The following BCAS3 variants were observed in gnomAD, a reference collection of about 807,000 sequenced individuals.
BCAS3 encodes the protein BCAS3 microtubule associated cell migration factor.
In BCAS3, 53 loss-of-function variants were observed where a neutral mutation model predicts 116.1. The observed-to-expected ratio is 0.46, with a 90% confidence interval of 0.37 to 0.57. BCAS3 has a LOEUF of 0.57. BCAS3 is among the 20% of genes least tolerant of loss of function. The probability of loss-of-function intolerance (pLI) is 0.00; values close to 1 mark genes in which losing one functional copy is unlikely to be tolerated. For missense variants in BCAS3, 917 were observed against 1,165.4 expected (o/e 0.79, Z 3.10); for synonymous variants, 391 against 408.2 (o/e 0.96, Z 0.51).
intron 6 of BCAS3, among the ~76,000 whole-genome samples, chr17:60,763,634 C>A (rs1266644967): frequency 6.6e-6 from 1 of 152,170 alleles, no homozygotes; most frequent in Non-Finnish European, 1.5e-5. Context: ...CGATGTTCAT[C>A]AGGGATATTG....
At position 61,368,476 on chromosome 17, in the gene BCAS3, G is replaced by A. The variant is rs757785563; in HGVS notation, c.2575G>A (p.Val859Ile). 6.8e-6 allele frequency: 11 copies of A among 1,607,662 alleles called. No homozygotes were observed. The highest frequency in any genetic ancestry group is 3.3e-5 in the Admixed American group (2 of 59,878). Residue 859 changes from valine to isoleucine, a missense_variant, in exon 23 of 24, where the codon GTC becomes ATC. Coordinates refer to ENST00000407086, the MANE Select transcript of BCAS3 (RefSeq NM_017679.5). The surrounding 1 kb of genome is among the most constrained non-coding windows in gnomAD (Gnocchi z 6.0). ...DAMAESPSRD[V>I]VGSGTELQRE... ...CATGGCCGAGTCACCTAGCCGGGAC[G>A]TCGTGGGATCCGGAACAGGTAAAGG...
At chr17:60,787,271 G>C (rs1218571185) in intron 6 of BCAS3, among the ~76,000 whole-genome samples, 1 of 152,138 alleles carries the variant, frequency 6.6e-6, no homozygotes, top group Non-Finnish European at 1.5e-5. Flanking sequence ...GTCACCTCAG[G>C]AAGTTCTCAC....
chr17:60,746,287 G>A (rs377674246), intron 5 of BCAS3, among the ~76,000 whole-genome samples: 12 of 151,940 alleles, frequency 7.9e-5, no homozygotes, highest in East Asian at 3.8e-4. Flanking sequence ...AGATAAACTC[G>A]TAGTTCTGTC....
intron 4 of BCAS3, among the ~76,000 whole-genome samples, chr17:60,690,285 T>TGAGGC (rs2034634937): frequency 6.6e-6 from 1 of 152,132 alleles, no homozygotes; most frequent in African/African-American, 2.4e-5. Context: ...AAAGGCTGAA[T>TGAGGC]GAGGCAGGGC....
At chr17:60,868,728 C>CCCAGGAGAGCATGT in intron 8 of BCAS3, 45 bp downstream of exon 8, 3 of 1,213,730 alleles carry the variant, frequency 2.5e-6, no homozygotes, top group Non-Finnish European at 3.5e-6. Flanking sequence ...AAGAAACATG[C>CCCAGGAGAGCATGT]TCTCCTGGGC....
rs2061456844 is a variant in BCAS3 at position 60,962,421 on chromosome 17, C to T, written c.1221+15069C>T. Reference sequence around the variant, plus strand: ...CTTGTTGTGGTTTTGATTTGTGTTTCTCTGATGACTAGTGATGTTGAGCAT... The same window carrying T: ...CTTGTTGTGGTTTTGATTTGTGTTTTTCTGATGACTAGTGATGTTGAGCAT... On this transcript the variant is annotated intron_variant, in intron 14 of 23. Coordinates refer to ENST00000407086, the MANE Select transcript of BCAS3 (RefSeq NM_017679.5). This position sits in a 1 kb window ranked among gnomAD's most constrained non-coding sequence, Gnocchi z 4.4. Among the ~76,000 whole-genome samples, 1 of 152,136 alleles carries T rather than the reference C, an allele frequency of 6.6e-6. No individual in the cohort carries two copies. The highest frequency in any genetic ancestry group is 1.5e-5 in the Non-Finnish European group (1 of 68,028).
intron 7 of BCAS3, among the ~76,000 whole-genome samples, chr17:60,860,717 G>A (rs2054083165): frequency 6.6e-6 from 1 of 152,160 alleles, no homozygotes; most frequent in Admixed American, 6.5e-5. Context: ...TGGTTTGCCA[G>A]TAGTCCCACC....
At chr17:60,916,607 T>C (rs750572770) in intron 12 of BCAS3, among the ~76,000 whole-genome samples, 6 of 152,164 alleles carry the variant, frequency 3.9e-5, no homozygotes, top group Non-Finnish European at 5.9e-5. Flanking sequence ...TATTTGATGA[T>C]TGCGTTAGAA....
chr17:60,809,372 A>T (rs1057388647), intron 7 of BCAS3, among the ~76,000 whole-genome samples: 6 of 152,202 alleles, frequency 3.9e-5, no homozygotes, highest in African/African-American at 1.2e-4. Context: ...AACCAAAAGC[A>T]TATAATAATC....
At chr17:61,296,569 T>C (rs528570625) in intron 22 of BCAS3, among the ~76,000 whole-genome samples, 1 of 152,344 alleles carries the variant, frequency 6.6e-6, no homozygotes, top group Non-Finnish European at 1.5e-5. Context: ...TTCTTTCCTG[T>C]CCCTCTTGCA....
chr17:60,691,241 C>CT (rs893706603), intron 4 of BCAS3, among the ~76,000 whole-genome samples: 1 of 152,066 alleles, frequency 6.6e-6, no homozygotes, highest in Non-Finnish European at 1.5e-5. Context: ...CCTCCTATCT[C>CT]TTTGAGACTC....
rs1006895026 is a variant in BCAS3, at chr17:61,125,335, A to T, written c.2425+40771A>T. 2.0e-5 allele frequency among the ~76,000 whole-genome samples: 3 copies of T among 152,182 alleles called. No individual in the cohort carries two copies. The East Asian group carries it at 5.8e-4, about 29-fold the overall frequency. On this transcript the variant is annotated intron_variant, in intron 22 of 23. Coordinates refer to ENST00000407086, the MANE Select transcript of BCAS3 (RefSeq NM_017679.5). ...ATCAGCCTCTCTCAGCCTGTGAAAG[A>T]AAATGTGCATTATTCTGTGTCCTTT...
At chr17:61,022,252 GTTTT>G (rs1390548757) in intron 16 of BCAS3, among the ~76,000 whole-genome samples, 1 of 151,760 alleles carries the variant, frequency 6.6e-6, no homozygotes, top group African/African-American at 2.4e-5. Flanking sequence ...TTGTTTGTTT[GTTTT>G]GTTTTGTTTT....
At chr17:61,250,998 T>A (rs993262225) in intron 22 of BCAS3, among the ~76,000 whole-genome samples, 4 of 152,194 alleles carry the variant, frequency 2.6e-5, no homozygotes, top group African/African-American at 9.7e-5. Context: ...AGTGTCTAAT[T>A]CTACTACTTC....
intron 6 of BCAS3, among the ~76,000 whole-genome samples, chr17:60,781,256 C>A (rs1022739194): frequency 1.3e-5 from 2 of 151,896 alleles, no homozygotes; most frequent in East Asian, 3.9e-4. Context: ...AGGTGTGAGC[C>A]GCTACGCCCA....
intron 22 of BCAS3, among the ~76,000 whole-genome samples, chr17:61,202,091 TA>T (rs2080867195): frequency 1.4e-5 from 2 of 147,392 alleles, no homozygotes; most frequent in African/African-American, 2.5e-5. Context: ...TTGTAATTTT[TA>T]TGTGCCAGAC....
Position 61,032,546 on chromosome 17 carries a change from C to A in BCAS3, c.1638-2120C>A, listed in dbSNP as rs2066721899. ...AAAGCTTTGAAAGAAGCCTTATATTCTCAGGTAATGCAACAGAGAGCATCA... is the reference window on the plus strand; with the variant it reads ...AAAGCTTTGAAAGAAGCCTTATATTATCAGGTAATGCAACAGAGAGCATCA... On this transcript the variant is annotated intron_variant, in intron 16 of 23. Coordinates refer to ENST00000407086, the MANE Select transcript of BCAS3 (RefSeq NM_017679.5). The surrounding 1 kb of genome is among the most constrained non-coding windows in gnomAD (Gnocchi z 4.6). Among the ~76,000 whole-genome samples, 1 of 152,082 alleles carries A rather than the reference C, an allele frequency of 6.6e-6. No individual in the cohort carries two copies. The highest frequency in any genetic ancestry group is 1.5e-5 in the Non-Finnish European group (1 of 67,988).
At chr17:60,887,802 A>G (rs2056832385) in intron 9 of BCAS3, among the ~76,000 whole-genome samples, 1 of 152,130 alleles carries the variant, frequency 6.6e-6, no homozygotes, top group African/African-American at 2.4e-5. Context: ...CTCCATTAGG[A>G]CCACTTTCTG....
At chr17:60,795,757 T>A (rs2047160377) in intron 6 of BCAS3, among the ~76,000 whole-genome samples, 1 of 152,204 alleles carries the variant, frequency 6.6e-6, no homozygotes. Context: ...TGCTGTAATC[T>A]TGGCTCCCTG....
Sources: allele counts gnomAD v4.1 joint callset (sites outside exome capture counted in the v4.1 genomes callset), GRCh38; gene constraint gnomAD v4.1.1; non-coding constraint Gnocchi (gnomAD v3.1); transcripts MANE v1.5; gene names NCBI Gene and HGNC (gene_info 2026-07-23, HGNC 2026-07-21).